Variants in CNTNAP2 observed in about 807,000 individuals in gnomAD.
The protein encoded by CNTNAP2 is contactin-associated protein-like 2.
A neutral mutation model predicts 155.2 loss-of-function variants in CNTNAP2; 98 were observed. The ratio of observed to expected loss-of-function variants is 0.63; its 90% CI spans 0.54 to 0.75. The LOEUF is 0.75. Ranked by LOEUF, CNTNAP2 falls within the 30% of genes least tolerant of loss-of-function variation. CNTNAP2 has a pLI of 0.00. For synonymous variants in CNTNAP2, 651 were observed against 631.2 expected, an observed-to-expected ratio of 1.03 and a Z score of -0.47; for missense variants, 1,727 against 1,688.1, an observed-to-expected ratio of 1.02 and a Z score of -0.40.
chr7:146,808,778 T>C (rs2129193187), intron 2 of CNTNAP2, among the ~76,000 whole-genome samples: 1 of 152,308 alleles, frequency 6.6e-6, no homozygotes, highest in East Asian at 1.9e-4. Flanking sequence ...AGATTCCACT[T>C]ATAAGTGAGA....
At chr7:148,273,449 C>A (rs1292965866) in intron 21 of CNTNAP2, among the ~76,000 whole-genome samples, 2 of 152,200 alleles carry the variant, frequency 1.3e-5, no homozygotes, top group African/African-American at 4.8e-5. Flanking sequence ...ACATACACGA[C>A]CTGTTTCCAA....
intron 1 of CNTNAP2, among the ~76,000 whole-genome samples, chr7:146,439,764 C>A (rs888614206): frequency 1.3e-5 from 2 of 151,506 alleles, no homozygotes; most frequent in African/African-American, 4.9e-5. Flanking sequence ...TAAAAAAACA[C>A]CTTTCCTTAC....
At chr7:148,145,224 A>T (rs940866039) in intron 16 of CNTNAP2, among the ~76,000 whole-genome samples, 3 of 152,184 alleles carry the variant, frequency 2.0e-5, no homozygotes, top group African/African-American at 7.2e-5. Context: ...CTCTTACTGT[A>T]TCCCATTAGG....
At chr7:147,912,278 C>T (rs895943503) in intron 14 of CNTNAP2, among the ~76,000 whole-genome samples, 2 of 152,158 alleles carry the variant, frequency 1.3e-5, no homozygotes, top group African/African-American at 4.8e-5. Context: ...CACCCAAGCA[C>T]ACACAGATAA....
intron 13 of CNTNAP2, among the ~76,000 whole-genome samples, chr7:147,812,179 C>A (rs1163872809): frequency 6.6e-6 from 1 of 152,024 alleles, no homozygotes; most frequent in Admixed American, 6.6e-5. Context: ...GGGAGAGCGG[C>A]CAGTCCAGAG....
At chr7:147,296,836 C>T (rs1170342204) in intron 8 of CNTNAP2, among the ~76,000 whole-genome samples, 5 of 152,066 alleles carry the variant, frequency 3.3e-5, no homozygotes, top group Non-Finnish European at 5.9e-5. Context: ...AGTTCTAGCC[C>T]ACTGGAGTCT....
At chr7:148,211,312 G>T (rs1041200461) in intron 18 of CNTNAP2, among the ~76,000 whole-genome samples, 3 of 152,180 alleles carry the variant, frequency 2.0e-5, no homozygotes, top group South Asian at 2.1e-4. Context: ...GTAGGAGAGC[G>T]CATTGGGCGA....
At chr7:148,397,344 C>T (rs1799492584) in intron 22 of CNTNAP2, among the ~76,000 whole-genome samples, 1 of 152,166 alleles carries the variant, frequency 6.6e-6, no homozygotes, top group Admixed American at 6.5e-5. Context: ...GTTTATAGCA[C>T]CTTACTCTAA....
chr7:147,783,452 T>C lies in CNTNAP2; in HGVS notation c.2099-120113T>C, dbSNP rs554048998. ...GTTTGGTTCTCTCCAAATAGAATGT[T>C]GAGATCAAAATCCTTTTTGGTGCTT... On this transcript the variant is annotated intron_variant, in intron 13 of 23. Transcript: ENST00000361727. Among the ~76,000 whole-genome samples the C allele has an allele frequency of 3.9e-5, 6 of 152,322 alleles. No individual in the cohort carries two copies. The South Asian group carries it at 1.0e-3, about 26-fold the overall frequency.
intron 13 of CNTNAP2, among the ~76,000 whole-genome samples, chr7:147,795,317 T>C (rs1468910898): frequency 1.3e-5 from 2 of 152,098 alleles, no homozygotes; most frequent in African/African-American, 2.4e-5. Context: ...TTTAATTAGA[T>C]TGTTTAATCT....
At chr7:146,933,329 C>G (rs1188396354) in intron 3 of CNTNAP2, among the ~76,000 whole-genome samples, 2 of 151,892 alleles carry the variant, frequency 1.3e-5, no homozygotes, top group Non-Finnish European at 2.9e-5. Flanking sequence ...GAAAAACAGG[C>G]AATGGGGAAA....
intron 8 of CNTNAP2, among the ~76,000 whole-genome samples, chr7:147,167,064 AC>A (rs1200693650): frequency 1.3e-5 from 2 of 152,064 alleles, no homozygotes; most frequent in African/African-American, 4.8e-5. Flanking sequence ...AACAACCCTG[AC>A]AAAAATCGGA....
At chr7:147,499,835 T>A (rs1179266366) in intron 11 of CNTNAP2, among the ~76,000 whole-genome samples, 1 of 152,202 alleles carries the variant, frequency 6.6e-6, no homozygotes, top group Admixed American at 6.5e-5. Flanking sequence ...TACCTCTGAA[T>A]GGCAAGGCTG....
chr7:146,244,231 G>C (rs1003283307), intron 1 of CNTNAP2, among the ~76,000 whole-genome samples: 1 of 152,200 alleles, frequency 6.6e-6, no homozygotes, highest in Non-Finnish European at 1.5e-5. Context: ...TACTTCAAGA[G>C]TTAAGAGTGG....
chr7:146,481,259 T>A (rs1238014682), intron 1 of CNTNAP2, among the ~76,000 whole-genome samples: 3 of 152,236 alleles, frequency 2.0e-5, no homozygotes, highest in Non-Finnish European at 2.9e-5. Flanking sequence ...ATCAACATTT[T>A]ATTTACATTT....
chr7:146,848,006 G>A (rs1794792058), intron 3 of CNTNAP2, among the ~76,000 whole-genome samples: 1 of 152,150 alleles, frequency 6.6e-6, no homozygotes, highest in Non-Finnish European at 1.5e-5. Flanking sequence ...CAACTGAAAA[G>A]GGTAGGATAA....
intron 21 of CNTNAP2, among the ~76,000 whole-genome samples, chr7:148,367,755 C>T (rs149564961): frequency 6.6e-6 from 1 of 152,062 alleles, no homozygotes; most frequent in East Asian, 1.9e-4. Context: ...ATATTTTAAG[C>T]TCTCATCTGT....
In CNTNAP2 at chr7:147,092,659, G is replaced by C. The variant is rs540815942; in HGVS notation, c.551-15488G>C. ...AGGAAAAGTAGGCAATCATCAAATA[G>C]CTTTAAAAAATTCTGAGCTTCACCA... On this transcript the variant is annotated intron_variant, in intron 4 of 23. Transcript: ENST00000361727. Among the ~76,000 whole-genome samples, 10 of 152,228 alleles carry C rather than the reference G, an allele frequency of 6.6e-5. No homozygotes were observed. In the South Asian group the frequency reaches 2.1e-3, roughly 32 times the overall value.
intron 1 of CNTNAP2, among the ~76,000 whole-genome samples, chr7:146,513,040 G>T (rs1392526940): frequency 1.3e-5 from 2 of 151,732 alleles, no homozygotes; most frequent in African/African-American, 2.4e-5. Flanking sequence ...ATTACATAGT[G>T]ATCTTCTTTG....
Sources: allele counts gnomAD v4.1 joint callset (sites outside exome capture counted in the v4.1 genomes callset), GRCh38; gene constraint gnomAD v4.1.1; transcripts MANE v1.5; gene names NCBI Gene and HGNC (gene_info 2026-07-23, HGNC 2026-07-21).